The following VPS37A variants were observed in gnomAD, a reference collection of about 807,000 sequenced individuals.
VPS37A encodes the protein vacuolar protein sorting-associated protein 37A.
Under a neutral mutation model 49.8 loss-of-function variants are expected in VPS37A, and 30 were observed. The ratio of observed to expected loss-of-function variants is 0.60; its 90% CI spans 0.45 to 0.82. VPS37A has a LOEUF of 0.82. Among genes scored for constraint, VPS37A ranks in the 40% least tolerant of loss-of-function variants. The probability of loss-of-function intolerance (pLI) is 0.00; values close to 1 mark genes in which losing one functional copy is unlikely to be tolerated. For missense variants in VPS37A, 593 were observed against 464.4 expected, an observed-to-expected ratio of 1.28 and a Z score of -2.55; for synonymous variants, 195 against 160.6, an observed-to-expected ratio of 1.21 and a Z score of -1.62.
downstream of VPS37A, chr8:17,300,359 C>G (rs1341078270): frequency 5.2e-6 from 5 of 960,552 alleles, no homozygotes; most frequent in Non-Finnish European, 7.5e-6. Flanking sequence ...GATGTGAGTT[C>G]AAACCTGGAC....
intron 6 of VPS37A, among the ~76,000 whole-genome samples, chr8:17,278,778 T>C (rs1336586764): frequency 6.6e-6 from 1 of 152,118 alleles, no homozygotes; most frequent in Non-Finnish European, 1.5e-5. Flanking sequence ...CTCCAAATAA[T>C]TTTTCTCTGG....
chr8:17,305,789 T>C (rs142124287), downstream of VPS37A: 14 of 1,613,380 alleles, frequency 8.7e-6, no homozygotes, highest in Non-Finnish European at 1.1e-5. Context: ...GGCTGTTACA[T>C]AGGAAGTTTC....
downstream of VPS37A, among the ~76,000 whole-genome samples, chr8:17,300,932 G>A (rs183710193): frequency 1.1e-4 from 17 of 152,262 alleles, no homozygotes; most frequent in Non-Finnish European, 2.2e-4. Flanking sequence ...TTCATTCATG[G>A]TACAGCATGT....
At chr8:17,272,786 A>T (rs1425274659) in intron 4 of VPS37A, among the ~76,000 whole-genome samples, 3 of 152,150 alleles carry the variant, frequency 2.0e-5, no homozygotes, top group Non-Finnish European at 4.4e-5. Flanking sequence ...AATTTTTTCT[A>T]GGGGTCATAT....
Position 17,280,272 on chromosome 8 carries a change from C to G in VPS37A, c.875C>G (p.Ala292Gly). Reference sequence around the variant, plus strand: ...CTCCTTTTGGAGCCCAGCTTGGAAGCCAAAAGACAAACTGTTTTAGATAAG... The same window carrying G: ...CTCCTTTTGGAGCCCAGCTTGGAAGGCAAAAGACAAACTGTTTTAGATAAG... ...KNLLLEPSLE[A>G]KRQTVLDKYE... The change falls in exon 8 of 12, where the codon GCC becomes GGC. Residue 292 changes from alanine to glycine, a missense_variant. By Grantham distance (60) the Ala-to-Gly change is moderately conservative. Transcript: ENST00000324849. The G allele has an allele frequency of 6.2e-7, 1 of 1,612,604 alleles. No homozygotes were observed. Among genetic ancestry groups the G allele is most frequent in the Non-Finnish European group, 8.5e-7 (1 of 1,179,290 alleles).
chr8:17,273,868 T>G (rs1814249799), intron 4 of VPS37A, among the ~76,000 whole-genome samples: 1 of 152,186 alleles, frequency 6.6e-6, no homozygotes, highest in African/African-American at 2.4e-5. Flanking sequence ...TAATACATTT[T>G]GAAACATTTT....
chr8:17,264,790 A>T (rs190951338), intron 1 of VPS37A, among the ~76,000 whole-genome samples: 2 of 152,154 alleles, frequency 1.3e-5, no homozygotes, highest in African/African-American at 4.8e-5. Flanking sequence ...TTCCTCTGCA[A>T]CCTCACCTCA....
At chr8:17,271,147 G>T (rs890425806) in intron 4 of VPS37A, among the ~76,000 whole-genome samples, 6 of 152,136 alleles carry the variant, frequency 3.9e-5, no homozygotes, top group African/African-American at 1.4e-4. Flanking sequence ...TCTTGGTTCT[G>T]CCTTCTGTGT....
the VPS37A span, among the ~76,000 whole-genome samples, chr8:17,329,950 A>G: frequency 2.0e-5 from 3 of 152,180 alleles, no homozygotes; most frequent in Non-Finnish European, 2.9e-5. Context: ...CAGATGTAGG[A>G]AGGGATTTCT....
At chr8:17,319,135 G>A in the VPS37A span, among the ~76,000 whole-genome samples, 39,204 of 152,096 alleles carry the variant, frequency 0.26, 5,423 homozygotes, top group Non-Finnish European at 0.31. Context: ...GCAATAGCAC[G>A]TAGCAATGTT....
chr8:17,257,351 G>T (rs1812561919), intron 1 of VPS37A, among the ~76,000 whole-genome samples: 1 of 152,182 alleles, frequency 6.6e-6, no homozygotes, highest in Non-Finnish European at 1.5e-5. Flanking sequence ...GATAGATAGT[G>T]TGATGCCTCC....
chr8:17,325,559 C>A, the VPS37A span, among the ~76,000 whole-genome samples: 1 of 152,142 alleles, frequency 6.6e-6, no homozygotes, highest in Non-Finnish European at 1.5e-5. Flanking sequence ...AGTCCCTGAC[C>A]GTACGATCGC....
rs1586109686 is a variant in VPS37A, at chr8:17,297,341, T to C, written c.*2355T>C. 1 of 149,682 alleles carries C rather than the reference T, an allele frequency of 6.7e-6. No homozygotes were observed. The highest frequency in any genetic ancestry group is 1.9e-4 in the East Asian group (1 of 5,174). 9.3% of individuals were successfully genotyped at this position (149,682 alleles called of 1,614,324 possible). A position where few individuals can be genotyped will look rare whatever the true frequency, so the allele number is the denominator to read the frequency against. On this transcript the variant is annotated 3_prime_UTR_variant, in exon 12 of 12. Transcript: ENST00000324849. ...GTTGAAAGAAATTTCTAGGCATAAATTGAGACTAGGAAATTTATATCAGAA... is the reference window on the plus strand; with the variant it reads ...GTTGAAAGAAATTTCTAGGCATAAACTGAGACTAGGAAATTTATATCAGAA...
chr8:17,257,408 G>T (rs552130233), intron 1 of VPS37A, among the ~76,000 whole-genome samples: 19 of 152,192 alleles, frequency 1.2e-4, no homozygotes, highest in Admixed American at 2.0e-4. Flanking sequence ...TCAGGGTCTT[G>T]TGAGTCCATA....
intron 1 of VPS37A, among the ~76,000 whole-genome samples, chr8:17,255,022 A>G (rs1812310941): frequency 6.6e-6 from 1 of 151,682 alleles, no homozygotes; most frequent in African/African-American, 2.4e-5. Context: ...TCTTTTTAGT[A>G]ACTTGAGTTT....
chr8:17,331,186 G>C, the VPS37A span: 3 of 1,612,502 alleles, frequency 1.9e-6, no homozygotes, highest in Non-Finnish European at 2.5e-6. Context: ...CTCATGACAT[G>C]GATGTTCTCT....
rs145800895 is a variant in VPS37A at position 17,268,247 on chromosome 8, A to G, written c.201-11A>G. On this transcript the variant is annotated splice_polypyrimidine_tract_variant and intron_variant, in intron 2 of 11. Coordinates refer to ENST00000324849, the MANE Select transcript of VPS37A (RefSeq NM_152415.3). ...TTTGTTTTTGTTTTTCATCTGTTCT[A>G]CCTCTACCAGATTGCTTCCTCCACA... The G allele has an allele frequency of 1.1e-5, 17 of 1,590,684 alleles. No individual in the cohort carries two copies. The African/African-American group carries it at 1.6e-4, about 15-fold the overall frequency.
At chr8:17,252,804 C>G (rs964464271) in intron 1 of VPS37A, among the ~76,000 whole-genome samples, 9 of 152,170 alleles carry the variant, frequency 5.9e-5, no homozygotes, top group Admixed American at 2.6e-4. Context: ...ATAACATTAA[C>G]TTGTAATAAA....
chr8:17,249,845 G>A (rs1396572919), intron 1 of VPS37A, among the ~76,000 whole-genome samples: 1 of 152,170 alleles, frequency 6.6e-6, no homozygotes. Context: ...CAGAAATGAA[G>A]CCCCAGAGAC....
Sources: allele counts gnomAD v4.1 joint callset (sites outside exome capture counted in the v4.1 genomes callset), GRCh38; gene constraint gnomAD v4.1.1; transcripts MANE v1.5; gene names NCBI Gene and HGNC (gene_info 2026-07-23, HGNC 2026-07-21).